SLC8A1: variants seen among roughly 807,000 people sequenced by gnomAD.
The protein encoded by SLC8A1 is sodium/calcium exchanger 1.
SLC8A1 carries 18 observed loss-of-function variants against 68.3 expected under a neutral mutation model. The observed-to-expected ratio is 0.26, with a 90% CI of 0.18 to 0.39. SLC8A1 has a LOEUF of 0.39. SLC8A1 is among the 10% of genes least tolerant of loss of function. SLC8A1 has a pLI of 1.00. For synonymous variants in SLC8A1, 475 were observed against 415.5 expected (o/e 1.14, Z -1.74); for missense variants, 985 against 1,156.7 (o/e 0.85, Z 2.15).
intron 2 of SLC8A1, among the ~76,000 whole-genome samples, chr2:40,280,383 C>G (rs914720762): frequency 2.6e-5 from 4 of 152,106 alleles, no homozygotes; most frequent in African/African-American, 7.2e-5. Flanking sequence ...CTGAAAAGCC[C>G]CACAGATAAT....
chr2:40,210,820 C>G (rs2056446823), intron 2 of SLC8A1, among the ~76,000 whole-genome samples: 1 of 152,214 alleles, frequency 6.6e-6, no homozygotes, highest in Non-Finnish European at 1.5e-5. Flanking sequence ...CACTCCCACT[C>G]AGTTTACTTC....
At chr2:40,439,103 G>A (rs1422101887) in intron 1 of SLC8A1, among the ~76,000 whole-genome samples, 2 of 152,084 alleles carry the variant, frequency 1.3e-5, no homozygotes, top group East Asian at 3.9e-4. Context: ...GGAGGTGGGG[G>A]ACTAGAGGGC....
chr2:40,165,519 A>T (rs146272818), intron 4 of SLC8A1, among the ~76,000 whole-genome samples: 179 of 152,310 alleles, frequency 1.2e-3, no homozygotes, highest in African/African-American at 3.9e-3. Context: ...AAGAGACCCT[A>T]TTGCAAGTTA....
chr2:40,228,971 G>C (rs545849633), intron 2 of SLC8A1, among the ~76,000 whole-genome samples: 18 of 152,194 alleles, frequency 1.2e-4, no homozygotes, highest in African/African-American at 4.3e-4. Context: ...GGAAAAGCAA[G>C]CATAATCTTT....
chr2:40,266,676 C>A (rs1487837056), intron 2 of SLC8A1, among the ~76,000 whole-genome samples: 1 of 152,162 alleles, frequency 6.6e-6, no homozygotes, highest in Non-Finnish European at 1.5e-5. Context: ...CACTCATATG[C>A]ACATTGTGTA....
chr2:40,159,488 G>C (rs1488611943), intron 6 of SLC8A1, among the ~76,000 whole-genome samples: 1 of 152,174 alleles, frequency 6.6e-6, no homozygotes, highest in African/African-American at 2.4e-5. Context: ...GCCCATAAAA[G>C]AGTTTGTTCA....
At chr2:40,305,489 A>T (rs1001661464) in intron 2 of SLC8A1, among the ~76,000 whole-genome samples, 11 of 152,224 alleles carry the variant, frequency 7.2e-5, no homozygotes, top group African/African-American at 2.4e-4. Context: ...TATATAAATT[A>T]ATAACTGAGA....
At chr2:40,360,155 G>A (rs529192748) in intron 2 of SLC8A1, among the ~76,000 whole-genome samples, 61 of 152,232 alleles carry the variant, frequency 4.0e-4, no homozygotes, top group African/African-American at 1.4e-3. Flanking sequence ...ATTGATTGAA[G>A]TTCCACGAAG....
chr2:40,157,184 A>T (rs530208225), intron 6 of SLC8A1, among the ~76,000 whole-genome samples: 2 of 152,350 alleles, frequency 1.3e-5, no homozygotes, highest in East Asian at 3.9e-4. Flanking sequence ...TCTATAATAG[A>T]ATTGCCTCCC....
chr2:40,427,632 G>A (rs554881597), intron 2 of SLC8A1, among the ~76,000 whole-genome samples: 2 of 152,062 alleles, frequency 1.3e-5, no homozygotes, highest in African/African-American at 2.4e-5. Flanking sequence ...ACTCTCAGTC[G>A]AAGAATCACT....
intron 2 of SLC8A1, among the ~76,000 whole-genome samples, chr2:40,292,049 T>A (rs2069428811): frequency 6.6e-6 from 1 of 152,136 alleles, no homozygotes; most frequent in South Asian, 2.1e-4. Flanking sequence ...ATTTTATTTC[T>A]AGTCTTTACA....
chr2:40,150,049 G>GT (rs869208085), intron 6 of SLC8A1, among the ~76,000 whole-genome samples: 1 of 32,916 alleles, frequency 3.0e-5, no homozygotes, highest in Non-Finnish European at 6.4e-5. Flanking sequence ...GTTCTTATTT[G>GT]TTAAAAAAAA....
chr2:40,435,851 C>T (rs1250086422), intron 1 of SLC8A1, among the ~76,000 whole-genome samples: 1 of 152,092 alleles, frequency 6.6e-6, no homozygotes, highest in Non-Finnish European at 1.5e-5. Flanking sequence ...ACTCGGCTCA[C>T]TGCAGCCTGT....
rs542101049 is a variant in SLC8A1, at chr2:40,141,085, G to C, written c.2162-1409C>G. On this transcript the variant is annotated intron_variant, in intron 6 of 7. Transcript: ENST00000406785. ...AGAAGAACATCTCCTTGAAGTCTTT[G>C]TTGACCCATTCCAACCTTGTCATCA... Among the ~76,000 whole-genome samples the C allele has an allele frequency of 1.5e-4, 23 of 152,294 alleles. No individual in the cohort carries two copies. The South Asian group carries it at 4.6e-3, about 30-fold the overall frequency.
At chr2:40,170,930 T>C (rs1036573071) in intron 4 of SLC8A1, among the ~76,000 whole-genome samples, 2 of 152,144 alleles carry the variant, frequency 1.3e-5, no homozygotes, top group Non-Finnish European at 2.9e-5. Flanking sequence ...TATGTACGCC[T>C]GTAGGTTTTG....
chr2:40,491,026 A>G (rs900522573), intron 1 of SLC8A1, among the ~76,000 whole-genome samples: 1 of 152,152 alleles, frequency 6.6e-6, no homozygotes, highest in Non-Finnish European at 1.5e-5. Context: ...GTTAAAACCA[A>G]CACGAAAGTG....
At chr2:40,108,010 G>C (rs987351552) in exon 8 of SLC8A1, 1 of 151,692 alleles carries the variant, frequency 6.6e-6, no homozygotes, top group African/African-American at 2.4e-5. Context: ...TGATAGATCA[G>C]TCTGGGCCTT....
chr2:40,503,264 A>T (rs1706156655), intron 1 of SLC8A1, among the ~76,000 whole-genome samples: 1 of 151,984 alleles, frequency 6.6e-6, no homozygotes, highest in East Asian at 1.9e-4. Context: ...CCCTCAACCC[A>T]CATCTCTACT....
intron 1 of SLC8A1, among the ~76,000 whole-genome samples, chr2:40,501,079 G>A (rs1706034288): frequency 6.6e-6 from 1 of 151,700 alleles, no homozygotes; most frequent in African/African-American, 2.4e-5. Flanking sequence ...CTACTTCAAG[G>A]CCTTTCCTTT....
Sources: allele counts gnomAD v4.1 joint callset (sites outside exome capture counted in the v4.1 genomes callset), GRCh38; gene constraint gnomAD v4.1.1; transcripts MANE v1.5; gene names NCBI Gene and HGNC (gene_info 2026-07-23, HGNC 2026-07-21).